TENM2: variants seen among roughly 807,000 people sequenced by gnomAD.
The protein encoded by TENM2 is teneurin-2.
In TENM2, 52 loss-of-function variants were observed where a neutral mutation model predicts 245.2. The observed-to-expected ratio is 0.21, with a 90% confidence interval of 0.17 to 0.27. The LOEUF (loss-of-function observed/expected upper bound fraction) is 0.27. Among genes scored for constraint, TENM2 ranks in the 10% least tolerant of loss-of-function variants. The pLI is 1.00. For synonymous variants in TENM2, 1,363 were observed against 1,438.9 expected (o/e 0.95, Z 1.19); for missense variants, 3,046 against 3,666.8 (o/e 0.83, Z 4.37).
At chr5:167,359,037 A>G (rs1355831873) in intron 1 of TENM2, among the ~76,000 whole-genome samples, 3 of 152,058 alleles carry the variant, frequency 2.0e-5, no homozygotes, top group Admixed American at 6.5e-5. Flanking sequence ...CGTCTTTCCC[A>G]TGCAATCTTA....
At chr5:167,952,720 T>G in exon 4 of TENM2, 3 of 1,606,072 alleles carry the variant, frequency 1.9e-6, no homozygotes, top group Non-Finnish European at 8.5e-7. Flanking sequence ...CGGAGTCAGA[T>G]CCACGCCCCG....
the TENM2 span, among the ~76,000 whole-genome samples, chr5:166,998,519 A>G: frequency 1.4e-4 from 22 of 152,220 alleles, no homozygotes; most frequent in East Asian, 1.4e-3. Flanking sequence ...AAAGAGGACT[A>G]TGTTTAAAGG....
chr5:167,659,012 T>C lies in TENM2; in HGVS notation c.503-216974T>C, dbSNP rs543468111. On this transcript the variant is annotated intron_variant, in intron 2 of 28. Coordinates refer to ENST00000518659, the Ensembl canonical transcript of TENM2. ...ATGCACAGGCAAACATTACACTCTT[T>C]TCAAATAAACACTGGGATGATTCCT... Among the ~76,000 whole-genome samples the C allele has an allele frequency of 2.6e-5, 4 of 152,336 alleles. No homozygotes were observed. The East Asian group carries it at 7.7e-4, about 29-fold the overall frequency.
intron 2 of TENM2, among the ~76,000 whole-genome samples, chr5:167,581,687 G>A (rs1011658267): frequency 2.0e-5 from 3 of 151,986 alleles, no homozygotes; most frequent in Non-Finnish European, 4.4e-5. Flanking sequence ...GAGAATAAAG[G>A]GGTGAATTCC....
chr5:167,329,579 AAG>A, intron 1 of TENM2, among the ~76,000 whole-genome samples: 1 of 150,092 alleles, frequency 6.7e-6, no homozygotes, highest in Non-Finnish European at 1.5e-5. Context: ...AAAAAAAAAA[AAG>A]AGGTGGCATA....
intron 1 of TENM2, among the ~76,000 whole-genome samples, chr5:167,300,310 G>A (rs1180255682): frequency 6.6e-6 from 1 of 152,176 alleles, no homozygotes; most frequent in Non-Finnish European, 1.5e-5. Context: ...GTACAGCCCA[G>A]GTAATTTGCT....
intron 1 of TENM2, among the ~76,000 whole-genome samples, chr5:167,327,418 A>G (rs1444060576): frequency 6.6e-6 from 1 of 152,214 alleles, no homozygotes; most frequent in African/African-American, 2.4e-5. Context: ...TTGTAGTTCA[A>G]TTGGGGAGGC....
At chr5:167,483,178 A>G (rs1419360237) in intron 2 of TENM2, among the ~76,000 whole-genome samples, 1 of 152,224 alleles carries the variant, frequency 6.6e-6, no homozygotes, top group African/African-American at 2.4e-5. Flanking sequence ...TAAAACACTT[A>G]GCCCAGCCCC....
At chr5:167,110,650 C>T in the TENM2 span, among the ~76,000 whole-genome samples, 44 of 152,300 alleles carry the variant, frequency 2.9e-4, no homozygotes, top group Middle Eastern at 3.4e-3. Context: ...AAGAACTGGA[C>T]TCCATGTCTG....
chr5:167,589,868 A>T (rs1775760246), intron 2 of TENM2, among the ~76,000 whole-genome samples: 1 of 151,356 alleles, frequency 6.6e-6, no homozygotes, highest in Non-Finnish European at 1.5e-5. Context: ...TTATTTATAA[A>T]ACTATAATAA....
chr5:167,387,845 T>C (rs532904928), intron 2 of TENM2, among the ~76,000 whole-genome samples: 4 of 152,278 alleles, frequency 2.6e-5, no homozygotes, highest in African/African-American at 9.6e-5. Flanking sequence ...TGTTAAACCA[T>C]CTCTGAATCC....
At chr5:167,773,953 T>G (rs1294891684) in intron 2 of TENM2, among the ~76,000 whole-genome samples, 6 of 152,130 alleles carry the variant, frequency 3.9e-5, no homozygotes, top group African/African-American at 1.4e-4. Flanking sequence ...CAGTTGAATT[T>G]ATTGCTGCAA....
At chr5:167,185,203 G>A in the TENM2 span, among the ~76,000 whole-genome samples, 2 of 152,110 alleles carry the variant, frequency 1.3e-5, no homozygotes, top group African/African-American at 4.8e-5. Flanking sequence ...ACTGTTGCAT[G>A]ACTGAATCTT....
chr5:167,105,489 T>G, the TENM2 span, among the ~76,000 whole-genome samples: 1 of 152,318 alleles, frequency 6.6e-6, no homozygotes, highest in Admixed American at 6.5e-5. Flanking sequence ...CCACGCCTAG[T>G]TAAACATAAT....
At chr5:167,604,201 G>A (rs2127734815) in intron 2 of TENM2, among the ~76,000 whole-genome samples, 1 of 152,236 alleles carries the variant, frequency 6.6e-6, no homozygotes, top group Admixed American at 6.5e-5. Context: ...ATAATGTCTG[G>A]TACATAGGAG....
Position 168,079,363 on chromosome 5 carries a change from A to G in TENM2, c.1516-11211A>G, listed in dbSNP as rs567453564. Among the ~76,000 whole-genome samples the G allele has an allele frequency of 2.1e-3, 324 of 152,320 alleles. 1 individual carries two copies. The highest frequency in any genetic ancestry group is 7.5e-3 in the African/African-American group (312 of 41,560). ...AATGGGGTTTTCTAAATATACAATCATGTCATCTGCAAACAGGGACAATTT... is the reference window on the plus strand; with the variant it reads ...AATGGGGTTTTCTAAATATACAATCGTGTCATCTGCAAACAGGGACAATTT... On this transcript the variant is annotated intron_variant, in intron 7 of 28. Coordinates refer to ENST00000518659, the Ensembl canonical transcript of TENM2.
chr5:167,681,203 T>A (rs1262368615), intron 2 of TENM2, among the ~76,000 whole-genome samples: 1 of 152,202 alleles, frequency 6.6e-6, no homozygotes, highest in East Asian at 1.9e-4. Flanking sequence ...TTCAGAATTT[T>A]TCTAGCATCT....
At chr5:166,990,807 T>C in the TENM2 span, among the ~76,000 whole-genome samples, 24 of 152,342 alleles carry the variant, frequency 1.6e-4, no homozygotes, top group African/African-American at 5.8e-4. Context: ...ACTGTGATCA[T>C]TTTTTGATAG....
chr5:167,859,398 C>T (rs1771464500), intron 2 of TENM2, among the ~76,000 whole-genome samples: 4 of 147,656 alleles, frequency 2.7e-5, no homozygotes, highest in African/African-American at 5.0e-5. Context: ...CAGCCCCCCG[C>T]CCGGCCAGCC....
Sources: allele counts gnomAD v4.1 joint callset (sites outside exome capture counted in the v4.1 genomes callset), GRCh38; gene constraint gnomAD v4.1.1; transcripts MANE v1.5; gene names NCBI Gene and HGNC (gene_info 2026-07-23, HGNC 2026-07-21).